UNC13A: variants seen among roughly 807,000 people sequenced by gnomAD.
UNC13A encodes the protein unc-13 homolog A, also known as protein unc-13 homolog A.
A neutral mutation model predicts 219.7 loss-of-function variants in UNC13A; 61 were observed. That is an observed-to-expected ratio of 0.28 (90% CI 0.23 to 0.34). The LOEUF is 0.34. Among genes scored for constraint, UNC13A ranks in the 10% least tolerant of loss-of-function variants. UNC13A has a pLI of 1.00. For synonymous variants in UNC13A, 920 were observed against 884.6 expected (o/e 1.04, Z -0.71); for missense variants, 1,476 against 2,270.3 (o/e 0.65, Z 7.11).
At chr19:17,655,536 A>G (rs1174350424) in intron 10 of UNC13A, among the ~76,000 whole-genome samples, 154 bp from the exon 11 acceptor site, 2 of 151,912 alleles carry the variant, frequency 1.3e-5, no homozygotes, top group South Asian at 4.1e-4. Context: ...GGCCCACCTC[A>G]GTGCCCCTCA....
At chr19:17,620,483 G>A (rs921097830) in intron 38 of UNC13A, among the ~76,000 whole-genome samples, 4 of 151,864 alleles carry the variant, frequency 2.6e-5, no homozygotes, top group African/African-American at 9.7e-5. Flanking sequence ...CAGGGCTCAG[G>A]GGCCTTCCTG....
intron 6 of UNC13A, among the ~76,000 whole-genome samples, 163 bp from the exon 7 acceptor site, chr19:17,666,867 GAC>G (rs71336631): frequency 0.018 from 2,507 of 141,438 alleles, 26 homozygotes; most frequent in African/African-American, 0.024. Context: ...AGGAGAGAAA[GAC>G]ACACACACAC....
Position 17,641,548 on chromosome 19 carries a change from G to A in UNC13A, c.2481C>T (p.Phe827=). 1.2e-6 allele frequency: 2 copies of A among 1,613,928 alleles called. No individual in the cohort carries two copies. The highest frequency in any genetic ancestry group is 1.7e-6 in the Non-Finnish European group (2 of 1,179,862). Residue 827 remains phenylalanine, a synonymous_variant, in exon 21 of 44, where the codon TTC becomes TTT. Coordinates refer to ENST00000519716, the MANE Select transcript of UNC13A (RefSeq NM_001080421.3). ...TGTTCTGCACGTCGGTCACGAAGTG[G>A]AACAGGTTCTGCCACCATGGGAGAG... ...VQYTCLHENL[F]HFVTDVQNNG...
In UNC13A at chr19:17,606,046, C is replaced by A; in HGVS notation, c.*8G>T. ...GCAGGCGCAGTGCCGCTCGGCCGAC[C>A]GCCCGCGCTAAGGCGCAGGCGCGGC... On this transcript the variant is annotated 3_prime_UTR_variant, in exon 44 of 44. Transcript: ENST00000519716. 6.0e-6 allele frequency: 9 copies of A among 1,510,354 alleles called. No individual in the cohort carries two copies. Among genetic ancestry groups the A allele is most frequent in the South Asian group, 2.5e-5 (2 of 78,636 alleles). The allele number at this position is 1,510,354 out of a possible 1,614,324, so 93.6% of individuals were successfully genotyped here. A position where few individuals can be genotyped will look rare whatever the true frequency, so the allele number is the denominator to read the frequency against.
In UNC13A at chr19:17,602,489, T is replaced by C. The variant is rs1261725170; in HGVS notation, c.*3565A>G. 1.3e-5 allele frequency: 2 copies of C among 152,186 alleles called. No individual in the cohort carries two copies. Among genetic ancestry groups the C allele is most frequent in the African/African-American group, 4.8e-5 (2 of 41,410 alleles). The allele number at this position is 152,186 out of a possible 1,614,324, so 9.4% of individuals were successfully genotyped here. A position where few individuals can be genotyped will look rare whatever the true frequency, so the allele number is the denominator to read the frequency against. ...GTGCTGTTTCCCCGATTCATGGAAA[T>C]GTGGGGCCAGCTCCTTGCATAAAGC... On this transcript the variant is annotated 3_prime_UTR_variant, in exon 44 of 44. Coordinates refer to ENST00000519716, the MANE Select transcript of UNC13A (RefSeq NM_001080421.3).
chr19:17,662,132 A>G (rs12972303), intron 8 of UNC13A, among the ~76,000 whole-genome samples: 10,457 of 152,030 alleles, frequency 0.069, 581 homozygotes, highest in African/African-American at 0.15. Context: ...AATCCCAGCT[A>G]CTTGGGAGGC....
intron 7 of UNC13A, 80 bp downstream of exon 7, chr19:17,666,570 C>A (rs932963032): frequency 8.8e-6 from 10 of 1,130,312 alleles, no homozygotes; most frequent in Middle Eastern, 2.1e-4. Context: ...ACTGGAGGAG[C>A]CTTTAGACAG....
chr19:17,655,172 C>A (rs1599383919), intron 11 of UNC13A, 102 bp downstream of exon 11: 3 of 925,930 alleles, frequency 3.2e-6, no homozygotes, highest in Non-Finnish European at 5.1e-6. Flanking sequence ...GGGTGTTGGG[C>A]GTGGCCAATA....
intron 43 of UNC13A, among the ~76,000 whole-genome samples, chr19:17,607,570 G>A (rs1319114104): frequency 6.9e-6 from 1 of 144,288 alleles, no homozygotes; most frequent in Non-Finnish European, 1.5e-5. Flanking sequence ...CAGCCACCGC[G>A]CCTGGCCCAT....
intron 20 of UNC13A, 151 bp downstream of exon 20, chr19:17,642,694 A>G: frequency 1.5e-6 from 1 of 652,880 alleles, no homozygotes. Context: ...TTTGATGGAT[A>G]GGGAGGAGTT....
intron 17 of UNC13A, among the ~76,000 whole-genome samples, chr19:17,646,895 C>T (rs1312617897): frequency 2.8e-5 from 4 of 142,444 alleles, no homozygotes; most frequent in South Asian, 2.4e-4. Flanking sequence ...TGGGCTGACC[C>T]CCTTGCCCAC....
intron 28 of UNC13A, among the ~76,000 whole-genome samples, chr19:17,631,418 G>T (rs574898355): frequency 6.6e-6 from 1 of 151,546 alleles, no homozygotes; most frequent in South Asian, 2.1e-4. Flanking sequence ...GTAGAGACAG[G>T]ATTTCCCTGT....
At chr19:17,656,572 C>A (rs1413237388) in intron 9 of UNC13A, among the ~76,000 whole-genome samples, 174 bp from the exon 10 acceptor site, 1 of 152,132 alleles carries the variant, frequency 6.6e-6, no homozygotes, top group Non-Finnish European at 1.5e-5. Context: ...CCGCTTTTGG[C>A]CAGGTGCGGT....
chr19:17,642,797 G>C (rs1410970895), intron 20 of UNC13A, 48 bp downstream of exon 20: 1 of 1,490,962 alleles, frequency 6.7e-7, no homozygotes. Flanking sequence ...GGGCAGGCAG[G>C]AATGGTGAGT....
In UNC13A at chr19:17,639,119, G is replaced by A. The variant is rs1379899347; in HGVS notation, c.3045C>T (p.Cys1015=). The A allele has an allele frequency of 3.1e-6, 5 of 1,612,190 alleles. No individual in the cohort carries two copies. The highest frequency in any genetic ancestry group is 4.2e-6 in the Non-Finnish European group (5 of 1,179,250). ...GGTACTCCCGGCTGTACAGTTCATG[G>A]CAGTTATTGAAGATGTACTCGTAGG... The part of the protein sequence containing the change: ...NSTYEYIFNN[C]HELYSREYQT... The change falls in exon 25 of 44, where the codon TGC becomes TGT. Residue 1015 remains cysteine (C), a synonymous_variant. Transcript: ENST00000519716.
chr19:17,676,221 A>C, intron 1 of UNC13A, 180 bp from the exon 2 acceptor site: 4 of 725,544 alleles, frequency 5.5e-6, no homozygotes, highest in Non-Finnish European at 7.4e-6. Context: ...GATAGAAGCA[A>C]TGTCAGAGAC....
At chr19:17,621,699 C>T (rs991956357) in intron 37 of UNC13A, 133 bp downstream of exon 37, 10 of 829,068 alleles carry the variant, frequency 1.2e-5, no homozygotes, top group Non-Finnish European at 1.6e-5. Flanking sequence ...TTTTGCAGGA[C>T]TTGGTTAGGA....
chr19:17,674,859 G>A lies in UNC13A; in HGVS notation c.53-103C>T. 2.0e-6 allele frequency: 2 copies of A among 984,788 alleles called. No individual in the cohort carries two copies. Among genetic ancestry groups the A allele is most frequent in the Non-Finnish European group, 1.6e-6 (1 of 636,820 alleles). 61.0% of individuals were successfully genotyped at this position (984,788 alleles called of 1,614,324 possible). Reference sequence around the variant, plus strand: ...CTGTGATCCCCTCAGGAATTTCTGGGCCACTCACCCCCTAACCCACAACCC... The same window carrying A: ...CTGTGATCCCCTCAGGAATTTCTGGACCACTCACCCCCTAACCCACAACCC... On this transcript the variant is annotated intron_variant, in intron 2 of 43. Transcript: ENST00000519716. This position sits in a 1 kb window ranked among gnomAD's most constrained non-coding sequence, Gnocchi z 5.0.
rs1377991292 is a variant in UNC13A at position 17,632,837 on chromosome 19, T to C, written c.3373A>G (p.Asn1125Asp). The C allele has an allele frequency of 1.9e-6, 3 of 1,613,946 alleles. No homozygotes were observed. The highest frequency in any genetic ancestry group is 2.5e-6 in the Non-Finnish European group (3 of 1,179,880). Residue 1125 changes from asparagine (N) to aspartate (D), a missense_variant, in exon 28 of 44, where the codon AAT becomes GAT. Physicochemically the swap from Asn to Asp is conservative, Grantham distance 23. Around this residue, in one of 14 missense-constraint regions of UNC13A, gnomAD observed 218 missense variants for 409.4 expected, o/e 0.53. Coordinates refer to ENST00000519716, the MANE Select transcript of UNC13A (RefSeq NM_001080421.3). ...GCGGGAAGTTCCGTCACATACTCAT[T>C]GTAGAGCCATTTCACCTTGAAGTGG... ...NLHFKVKWLYNEYVTELPAFK... is the reference protein window; with the variant it reads ...NLHFKVKWLYDEYVTELPAFK...
Sources: gnomAD v4.1 joint callset for allele counts (sites outside exome capture counted in the v4.1 genomes callset) on GRCh38, gnomAD v4.1.1 for gene constraint, gnomAD v4.1.1 regional missense constraint, Gnocchi (gnomAD v3.1) non-coding constraint, MANE v1.5 for transcripts, NCBI Gene and HGNC (gene_info 2026-07-23, HGNC 2026-07-21) for gene names.